The following GRIK4 variants were observed in gnomAD, a reference collection of about 807,000 sequenced individuals.
The protein encoded by GRIK4 is glutamate ionotropic receptor kainate type subunit 4.
GRIK4 carries 40 observed loss-of-function variants against 104.9 expected under a neutral mutation model. The observed-to-expected ratio is 0.38, with a 90% confidence interval of 0.30 to 0.50. The LOEUF (loss-of-function observed/expected upper bound fraction) is 0.50. Among genes scored for constraint, GRIK4 ranks in the 20% least tolerant of loss-of-function variants. The pLI, the probability that GRIK4 is intolerant of heterozygous loss-of-function variation, is 0.93. For synonymous variants in GRIK4, 485 were observed against 524.9 expected (o/e 0.92, Z 1.04); for missense variants, 1,047 against 1,308.1 (o/e 0.80, Z 3.08).
chr11:120,660,178 G>T (rs1172209007), intron 2 of GRIK4, 91 bp from the exon 3 acceptor site: 1 of 639,952 alleles, frequency 1.6e-6, no homozygotes, highest in Non-Finnish European at 2.8e-6. Flanking sequence ...AGACAAAGGG[G>T]CCTCTCCGGC....
chr11:120,831,884 T>G lies in GRIK4; in HGVS notation c.544T>G (p.Phe182Val), dbSNP rs1420778173. ...LLNLEKLLRQ[F>V]LISKDTLSVR... ...AAACCTAGAGAAGCTGCTCCGGCAA[T>G]TCCTTATCTCCAAGGACACGCTGTC... The change falls in exon 7 of 21, where the codon TTC becomes GTC. Residue 182 changes from phenylalanine to valine, a missense_variant. Physicochemically the swap from Phe to Val is conservative, Grantham distance 50. Coordinates refer to ENST00000527524, the MANE Select transcript of GRIK4 (RefSeq NM_014619.5). 3 of 1,613,800 alleles carry G rather than the reference T, an allele frequency of 1.9e-6. No homozygotes were observed.
intron 11 of GRIK4, among the ~76,000 whole-genome samples, chr11:120,883,722 T>G (rs1486406867): frequency 2.6e-5 from 4 of 152,250 alleles, no homozygotes; most frequent in Non-Finnish European, 4.4e-5. Flanking sequence ...TACTTAAATT[T>G]TCAAGCTGGG....
chr11:120,813,529 T>A (rs1019462328), intron 4 of GRIK4, among the ~76,000 whole-genome samples: 10 of 152,122 alleles, frequency 6.6e-5, no homozygotes, highest in Non-Finnish European at 1.3e-4. Flanking sequence ...AGTCCTCCAG[T>A]CAGCTGAGAT....
chr11:120,624,928 C>T (rs889128633), intron 1 of GRIK4, among the ~76,000 whole-genome samples: 6 of 152,102 alleles, frequency 3.9e-5, no homozygotes, highest in African/African-American at 9.7e-5. Context: ...GAAGATGAAA[C>T]GCACCTGGTA....
At chr11:120,617,072 G>A (rs879743649) in intron 1 of GRIK4, among the ~76,000 whole-genome samples, 4 of 152,230 alleles carry the variant, frequency 2.6e-5, no homozygotes, top group Admixed American at 6.5e-5. Context: ...CGGGAGCCCC[G>A]TGAATGTTGG....
At chr11:120,869,437 C>T (rs1051158929) in intron 9 of GRIK4, 1 of 152,318 alleles carries the variant, frequency 6.6e-6, no homozygotes, top group Admixed American at 6.5e-5. Flanking sequence ...TACCTGCTCC[C>T]TGTGCCCAGC....
chr11:120,630,635 G>A (rs1348093950), intron 1 of GRIK4, among the ~76,000 whole-genome samples: 1 of 152,274 alleles, frequency 6.6e-6, no homozygotes. Context: ...TCTCTTGGGA[G>A]AGGGCTTCTG....
chr11:120,695,731 T>C (rs1383499978), intron 3 of GRIK4, among the ~76,000 whole-genome samples: 1 of 152,206 alleles, frequency 6.6e-6, no homozygotes, highest in East Asian at 1.9e-4. Flanking sequence ...CAAGGTGAGA[T>C]GCAGTGTCAT....
chr11:120,727,532 A>G (rs1951052313), intron 3 of GRIK4, among the ~76,000 whole-genome samples: 1 of 152,208 alleles, frequency 6.6e-6, no homozygotes, highest in African/African-American at 2.4e-5. Flanking sequence ...CAACTTTAAT[A>G]AAAGTTACTG....
chr11:120,861,641 C>T (rs960659713), intron 8 of GRIK4, among the ~76,000 whole-genome samples: 1 of 152,120 alleles, frequency 6.6e-6, no homozygotes, highest in African/African-American at 2.4e-5. Flanking sequence ...AGCATCCCAC[C>T]TCCCGTGGAA....
chr11:120,954,567 G>A (rs1944089081), intron 15 of GRIK4, among the ~76,000 whole-genome samples: 1 of 152,052 alleles, frequency 6.6e-6, no homozygotes, highest in Middle Eastern at 3.2e-3. Context: ...GTCACCTCAA[G>A]GGCCCTGAAA....
At position 120,736,822 on chromosome 11, in the gene GRIK4, G is replaced by A. The variant is rs576461553; in HGVS notation, c.83-65871G>A. On this transcript the variant is annotated intron_variant, in intron 3 of 20. Transcript: ENST00000527524. ...ACCTCTGTTCACTGAAAAAGGCCTA[G>A]AAAGTATGACCAAGAAATACAATGA... Among the ~76,000 whole-genome samples, 49 of 151,008 alleles carry A rather than the reference G, an allele frequency of 3.2e-4. No homozygotes were observed. The South Asian group carries it at 9.6e-3, about 30-fold the overall frequency.
chr11:120,650,876 C>T (rs897623098), intron 1 of GRIK4, among the ~76,000 whole-genome samples: 5 of 152,222 alleles, frequency 3.3e-5, no homozygotes, highest in African/African-American at 1.2e-4. Context: ...CTTCCATGAT[C>T]TCATTGAATC....
At chr11:120,630,877 TA>T (rs1407717179) in intron 1 of GRIK4, among the ~76,000 whole-genome samples, 1 of 152,224 alleles carries the variant, frequency 6.6e-6, no homozygotes, top group African/African-American at 2.4e-5. Flanking sequence ...TTGCTGGATC[TA>T]TTTTTTCTTC....
intron 3 of GRIK4, among the ~76,000 whole-genome samples, chr11:120,729,942 A>G (rs1355056365): frequency 6.6e-6 from 1 of 152,144 alleles, no homozygotes; most frequent in East Asian, 1.9e-4. Context: ...ATTTTTATAT[A>G]TGGTAAGAGA....
intron 1 of GRIK4, among the ~76,000 whole-genome samples, chr11:120,593,181 CAA>C (rs563165078): frequency 3.8e-4 from 39 of 102,188 alleles, no homozygotes; most frequent in African/African-American, 9.9e-4. Flanking sequence ...GACTCTGTCT[CAA>C]AAAAAAAAAA....
At chr11:120,780,211 T>A (rs1730707097) in intron 3 of GRIK4, among the ~76,000 whole-genome samples, 1 of 152,234 alleles carries the variant, frequency 6.6e-6, no homozygotes, top group Non-Finnish European at 1.5e-5. Context: ...AGTGTACAGG[T>A]CAGTAGTGTT....
chr11:120,731,481 G>A (rs1364126798), intron 3 of GRIK4, among the ~76,000 whole-genome samples: 1 of 151,914 alleles, frequency 6.6e-6, no homozygotes, highest in African/African-American at 2.4e-5. Context: ...GTTTTGTTGA[G>A]GATTTTTTGC....
At chr11:120,814,004 C>T (rs1565367861) in intron 4 of GRIK4, among the ~76,000 whole-genome samples, 2 of 152,192 alleles carry the variant, frequency 1.3e-5, no homozygotes, top group Admixed American at 6.5e-5. Context: ...CTTCCTTTCT[C>T]AGTCTCTAGC....
Sources: allele counts gnomAD v4.1 joint callset (sites outside exome capture counted in the v4.1 genomes callset), GRCh38; gene constraint gnomAD v4.1.1; transcripts MANE v1.5; gene names NCBI Gene and HGNC (gene_info 2026-07-23, HGNC 2026-07-21).